The following BIRC6 variants were observed in gnomAD, a reference collection of about 807,000 sequenced individuals.
BIRC6 encodes dual E2 ubiquitin-conjugating enzyme/E3 ubiquitin-protein ligase BIRC6.
BIRC6 carries 98 observed loss-of-function variants against 503.3 expected under a neutral mutation model. The observed-to-expected ratio is 0.19, with a 90% CI of 0.17 to 0.23. The LOEUF is 0.23. Ranked by LOEUF, BIRC6 falls within the 10% of genes least tolerant of loss-of-function variation. The pLI, the probability that BIRC6 is intolerant of heterozygous loss-of-function variation, is 1.00. For missense variants in BIRC6, 5,360 were observed against 5,806.0 expected (o/e 0.92, Z 2.50); for synonymous variants, 2,240 against 2,078.7 (o/e 1.08, Z -2.11).
At chr2:32,559,354 A>G (rs909367305) in intron 65 of BIRC6, among the ~76,000 whole-genome samples, 1 of 152,240 alleles carries the variant, frequency 6.6e-6, no homozygotes, top group Non-Finnish European at 1.5e-5. Context: ...ACTTGGAGAC[A>G]TGGTGTTGCA....
intron 59 of BIRC6, chr2:32,527,132 A>G (rs1256185415): frequency 3.3e-5 from 5 of 152,178 alleles, no homozygotes; most frequent in African/African-American, 1.2e-4. Flanking sequence ...GATAGGCAAA[A>G]CCTTTCACAC....
chr2:32,479,533 G>A lies in BIRC6; in HGVS notation c.7324G>A (p.Ala2442Thr). Residue 2442 changes from alanine (A) to threonine (T), a missense_variant, in exon 37 of 74, where the codon GCT (alanine) becomes ACT (threonine). This residue lies in a region of BIRC6 where 2,299 missense variants were observed against 2,267.2 expected (regional missense o/e 1.01). Coordinates refer to ENST00000421745, the MANE Select transcript of BIRC6 (RefSeq NM_016252.4). ...AGTGGGTGATGATGTAGGTGCGACAGCTGGTGACTCTGATGACTCCCTTCA... is the reference window on the plus strand; with the variant it reads ...AGTGGGTGATGATGTAGGTGCGACAACTGGTGACTCTGATGACTCCCTTCA... Reference protein sequence around the residue: ...GTVGDDVGATAGDSDDSLQQS... With the variant: ...GTVGDDVGATTGDSDDSLQQS... 6.2e-7 allele frequency: 1 copy of A among 1,606,982 alleles called. No individual in the cohort carries two copies. The highest frequency in any genetic ancestry group is 8.5e-7 in the Non-Finnish European group (1 of 1,176,384).
chr2:32,526,979 C>A (rs977493803), intron 59 of BIRC6: 1 of 152,262 alleles, frequency 6.6e-6, no homozygotes, highest in African/African-American at 2.4e-5. Flanking sequence ...TGAAATATAT[C>A]CCTGTTCTGG....
intron 6 of BIRC6, 76 bp from the exon 7 acceptor site, chr2:32,401,086 TC>T (rs2040556838): frequency 8.1e-7 from 1 of 1,231,612 alleles, no homozygotes; most frequent in South Asian, 1.4e-5. Flanking sequence ...AAGATGATGA[TC>T]CTGGAGTTCT....
intron 9 of BIRC6, among the ~76,000 whole-genome samples, chr2:32,409,564 A>G (rs1287289528): frequency 6.6e-6 from 1 of 152,198 alleles, no homozygotes; most frequent in Non-Finnish European, 1.5e-5. Flanking sequence ...CTGCATAGGG[A>G]AAAGTTTGGT....
chr2:32,491,579 G>A, intron 44 of BIRC6, 21 bp downstream of exon 44: 1 of 1,609,006 alleles, frequency 6.2e-7, no homozygotes, highest in Non-Finnish European at 8.5e-7. Flanking sequence ...GTTTAGCCTG[G>A]CATATGCCCA....
intron 49 of BIRC6, 26 bp from the exon 50 acceptor site, chr2:32,504,979 T>A (rs752404027): frequency 3.8e-6 from 6 of 1,575,506 alleles, no homozygotes; most frequent in Non-Finnish European, 5.2e-6. Context: ...CAAGTTCTTA[T>A]AATTTATGTA....
chr2:32,479,105 T>A (rs2050094078), intron 36 of BIRC6, among the ~76,000 whole-genome samples: 1 of 152,260 alleles, frequency 6.6e-6, no homozygotes, highest in African/African-American at 2.4e-5. Context: ...AGTGGTATGC[T>A]GCTTACTGGG....
intron 35 of BIRC6, 69 bp from the exon 36 acceptor site, chr2:32,478,566 A>T (rs1192355161): frequency 1.5e-6 from 2 of 1,370,412 alleles, no homozygotes; most frequent in African/African-American, 2.9e-5. Context: ...GTATTGGTAG[A>T]CTTCTGTTAG....
intron 68 of BIRC6, among the ~76,000 whole-genome samples, chr2:32,596,209 C>G (rs1211379433): frequency 6.6e-6 from 1 of 152,050 alleles, no homozygotes; most frequent in African/African-American, 2.4e-5. Flanking sequence ...CCTGGCCGGG[C>G]ATGGTGGCTC....
chr2:32,543,602 G>A (rs941672570), intron 62 of BIRC6, 61 bp downstream of exon 62: 1 of 1,471,170 alleles, frequency 6.8e-7, no homozygotes, highest in African/African-American at 1.4e-5. Flanking sequence ...AAGGTATCCA[G>A]ATCATTGCCT....
intron 60 of BIRC6, among the ~76,000 whole-genome samples, chr2:32,530,680 C>T (rs2056670108): frequency 6.6e-6 from 1 of 152,066 alleles, no homozygotes; most frequent in Non-Finnish European, 1.5e-5. Flanking sequence ...ATGATATGAA[C>T]TTACTTAAAC....
intron 8 of BIRC6, 78 bp from the exon 9 acceptor site, chr2:32,406,421 G>A (rs1558639344): frequency 2.7e-6 from 3 of 1,119,096 alleles, no homozygotes; most frequent in Non-Finnish European, 4.0e-6. Flanking sequence ...AAAACCAACT[G>A]TTCTTTTTTC....
chr2:32,491,109 G>A (rs2051646481), intron 43 of BIRC6, among the ~76,000 whole-genome samples: 1 of 152,156 alleles, frequency 6.6e-6, no homozygotes, highest in South Asian at 2.1e-4. Context: ...GACTGTTTCT[G>A]GAAGGGGGAG....
intron 1 of BIRC6, among the ~76,000 whole-genome samples, chr2:32,366,725 G>A (rs1236401045): frequency 1.3e-5 from 2 of 152,094 alleles, no homozygotes; most frequent in Admixed American, 1.3e-4. Context: ...CTAATGGCCT[G>A]TAATCCCAGC....
At chr2:32,383,236 G>A (rs2037947824) in intron 3 of BIRC6, among the ~76,000 whole-genome samples, 1 of 151,300 alleles carries the variant, frequency 6.6e-6, no homozygotes, top group Non-Finnish European at 1.5e-5. Flanking sequence ...TAGTAGAGAC[G>A]GTTTCACCAT....
At chr2:32,439,983 A>G (rs2045229470) in intron 16 of BIRC6, among the ~76,000 whole-genome samples, 1 of 152,196 alleles carries the variant, frequency 6.6e-6, no homozygotes, top group Non-Finnish European at 1.5e-5. Flanking sequence ...GATTCAAGCC[A>G]TCCTCCCACC....
At position 32,401,247 on chromosome 2, in the gene BIRC6, A is replaced by G; in HGVS notation, c.1119A>G (p.Ala373=). The G allele has an allele frequency of 1.2e-6, 2 of 1,614,072 alleles. No homozygotes were observed. Among genetic ancestry groups the G allele is most frequent in the Non-Finnish European group, 1.7e-6 (2 of 1,179,902 alleles). Residue 373 remains alanine (A), a synonymous_variant, in exon 7 of 74, where the codon GCA becomes GCG. Transcript: ENST00000421745. Reference sequence around the variant, plus strand: ...ATGTGCCATTGTCAGTCACTCTTGCAACAAGTCCTGCACAGTTTCCTTGTA... The same window carrying G: ...ATGTGCCATTGTCAGTCACTCTTGCGACAAGTCCTGCACAGTTTCCTTGTA... ...TQNVPLSVTL[A]TSPAQFPCTD...
intron 65 of BIRC6, among the ~76,000 whole-genome samples, chr2:32,555,513 C>T (rs2058712050): frequency 6.6e-6 from 1 of 152,084 alleles, no homozygotes; most frequent in African/African-American, 2.4e-5. Context: ...TGGCGCATGC[C>T]TGTAATCCCA....
Sources: gnomAD v4.1 joint callset for allele counts (sites outside exome capture counted in the v4.1 genomes callset) on GRCh38, gnomAD v4.1.1 for gene constraint, gnomAD v4.1.1 regional missense constraint, MANE v1.5 for transcripts, NCBI Gene and HGNC (gene_info 2026-07-23, HGNC 2026-07-21) for gene names.